SYT16: variants seen among roughly 807,000 people sequenced by gnomAD.
The protein encoded by SYT16 is synaptotagmin 16.
A neutral mutation model predicts 61.4 loss-of-function variants in SYT16; 42 were observed. The observed-to-expected ratio is 0.68, with a 90% CI of 0.53 to 0.89. SYT16 has a LOEUF of 0.89. SYT16 is among the 40% of genes least tolerant of loss of function. The pLI, the probability that SYT16 is intolerant of heterozygous loss-of-function variation, is 0.00. For synonymous variants in SYT16, 314 were observed against 302.3 expected (o/e 1.04, Z -0.40); for missense variants, 804 against 807.3 (o/e 1.00, Z 0.05).
intron 1 of SYT16, among the ~76,000 whole-genome samples, chr14:61,872,839 A>G (rs2047371782): frequency 6.6e-6 from 1 of 152,228 alleles, no homozygotes; most frequent in Non-Finnish European, 1.5e-5. Flanking sequence ...CTGGATGCCT[A>G]ATTCAATCTC....
chr14:61,916,274 A>T (rs2049117465), intron 1 of SYT16, among the ~76,000 whole-genome samples: 1 of 152,176 alleles, frequency 6.6e-6, no homozygotes, highest in Admixed American at 6.6e-5. Flanking sequence ...TTCATAAAAA[A>T]TGAGTGAGAA....
intron 1 of SYT16, among the ~76,000 whole-genome samples, chr14:61,836,372 A>G (rs1025352209): frequency 5.9e-5 from 9 of 152,224 alleles, no homozygotes; most frequent in Non-Finnish European, 1.3e-4. Context: ...CTTAATTCAC[A>G]CAAACATCAG....
intron 1 of SYT16, among the ~76,000 whole-genome samples, chr14:61,813,123 C>T (rs1380868417): frequency 5.9e-5 from 9 of 152,246 alleles, no homozygotes; most frequent in Admixed American, 5.2e-4. Flanking sequence ...CAGCCTTCAG[C>T]GAGCCGGGCA....
intron 2 of SYT16, among the ~76,000 whole-genome samples, chr14:61,974,875 T>C (rs906979666): frequency 2.6e-5 from 4 of 152,240 alleles, no homozygotes; most frequent in Admixed American, 2.6e-4. Flanking sequence ...AATTTCTCCC[T>C]ACCAGTTGGT....
At chr14:62,093,733 C>T (rs532423219) in intron 7 of SYT16, among the ~76,000 whole-genome samples, 10 of 152,154 alleles carry the variant, frequency 6.6e-5, no homozygotes, top group East Asian at 3.9e-4. Context: ...GAAAAAATTA[C>T]GATTATCTCA....
In SYT16 at chr14:61,948,003, G is replaced by T. The variant is rs576962396; in HGVS notation, c.-324-22129G>T. Among the ~76,000 whole-genome samples, 5 of 152,328 alleles carry T rather than the reference G, an allele frequency of 3.3e-5. No individual in the cohort carries two copies. The South Asian group carries it at 1.0e-3, about 32-fold the overall frequency. Reference sequence around the variant, plus strand: ...TGTTTAGAAAAATGAGTAATCTGGTGAGGCTAAGCATAAAGTATCTGGAAG... The same window carrying T: ...TGTTTAGAAAAATGAGTAATCTGGTTAGGCTAAGCATAAAGTATCTGGAAG... On this transcript the variant is annotated intron_variant, in intron 1 of 7. Transcript: ENST00000683842.
chr14:62,037,527 C>G (rs888892884), intron 3 of SYT16, among the ~76,000 whole-genome samples: 5 of 152,122 alleles, frequency 3.3e-5, no homozygotes, highest in Non-Finnish European at 4.4e-5. Flanking sequence ...CCATCTAAAA[C>G]TGGAATGTTT....
chr14:62,063,351 T>C (rs2055913036), intron 3 of SYT16, among the ~76,000 whole-genome samples: 1 of 152,164 alleles, frequency 6.6e-6, no homozygotes, highest in Admixed American at 6.6e-5. Flanking sequence ...ATGAAGACGA[T>C]GAATATAACA....
Position 62,102,386 on chromosome 14 carries a change from C to T in SYT16, c.*1679C>T, listed in dbSNP as rs2057437988. The T allele has an allele frequency of 6.6e-6, 1 of 152,230 alleles. No individual in the cohort carries two copies. The highest frequency in any genetic ancestry group is 2.1e-4 in the South Asian group (1 of 4,820). The allele number at this position is 152,230 out of a possible 1,614,324, so 9.4% of individuals were successfully genotyped here. A position where few individuals can be genotyped will look rare whatever the true frequency, so the allele number is the denominator to read the frequency against. On this transcript the variant is annotated 3_prime_UTR_variant, in exon 8 of 8. Coordinates refer to ENST00000683842, the MANE Select transcript of SYT16 (RefSeq NM_001367656.1). ...GAGAATTTGCCAAATAAATTAATAC[C>T]TTAATTACTTTTCAGGTCATGGGAG... is the stretch of plus-strand genomic sequence containing the variant.
chr14:61,872,989 T>A (rs2047377831), intron 1 of SYT16, among the ~76,000 whole-genome samples: 6 of 152,234 alleles, frequency 3.9e-5, no homozygotes, highest in Admixed American at 3.9e-4. Context: ...AACGTTGTAT[T>A]CATAGGTAGG....
intron 3 of SYT16, among the ~76,000 whole-genome samples, chr14:62,054,297 C>T (rs1244829086): frequency 6.9e-6 from 1 of 145,240 alleles, no homozygotes; most frequent in Non-Finnish European, 1.5e-5. Flanking sequence ...ATCTGATCTA[C>T]AGATTGTATG....
intron 1 of SYT16, among the ~76,000 whole-genome samples, chr14:61,901,757 A>AT (rs1282848076): frequency 6.8e-5 from 10 of 146,268 alleles, no homozygotes; most frequent in African/African-American, 2.3e-4. Context: ...AATAATAATA[A>AT]TAATAATTAT....
intron 1 of SYT16, chr14:61,831,978 T>C: frequency 1.7e-6 from 1 of 602,626 alleles, no homozygotes; most frequent in East Asian, 3.4e-5. Flanking sequence ...GTCAAAGGTG[T>C]GCGGGATGGG....
rs989609342 is a variant in SYT16, at chr14:62,069,629, C to G, written c.550C>G (p.Leu184Val). ...QVNSFGDDEE[L>V]STSSDSDEEV... ...CAACAGCTTTGGGGATGACGAAGAG[C>G]TGTCCACATCTTCTGACAGTGACGA... Residue 184 changes from leucine (L) to valine (V), a missense_variant, in exon 4 of 8, where the codon CTG (leucine) becomes GTG (valine). Leu to Val is a conservative substitution (Grantham distance 32). Transcript: ENST00000683842. 6.2e-7 allele frequency: 1 copy of G among 1,613,958 alleles called. No individual in the cohort carries two copies. The highest frequency in any genetic ancestry group is 1.3e-5 in the African/African-American group (1 of 75,046).
At chr14:61,935,643 C>T (rs537723677) in intron 1 of SYT16, among the ~76,000 whole-genome samples, 3 of 152,320 alleles carry the variant, frequency 2.0e-5, no homozygotes, top group Admixed American at 2.0e-4. Context: ...TCCCTTCAAC[C>T]TAGAGTTTCT....
At chr14:61,813,659 G>T (rs2045337972) in intron 1 of SYT16, among the ~76,000 whole-genome samples, 1 of 152,094 alleles carries the variant, frequency 6.6e-6, no homozygotes, top group South Asian at 2.1e-4. Flanking sequence ...CCAGCACTTT[G>T]GGAGGCCGAG....
At chr14:62,054,360 G>GTTGTTGTTTTTTTTTT (rs1411904235) in intron 3 of SYT16, among the ~76,000 whole-genome samples, 1 of 118,298 alleles carries the variant, frequency 8.5e-6, no homozygotes. Context: ...AGTGAAGTGA[G>GTTGTTGTTTTTTTTTT]TTTTTTTTTT....
chr14:61,921,444 T>C (rs553745949), intron 1 of SYT16, among the ~76,000 whole-genome samples: 1 of 152,334 alleles, frequency 6.6e-6, no homozygotes, highest in South Asian at 2.1e-4. Context: ...TTTCCCAGTC[T>C]CAGTCTCTGT....
At chr14:61,979,323 G>T (rs778848718) in intron 2 of SYT16, among the ~76,000 whole-genome samples, 1 of 152,100 alleles carries the variant, frequency 6.6e-6, no homozygotes, top group Non-Finnish European at 1.5e-5. Context: ...TATGATTGAT[G>T]AATTAAATAT....
Sources: allele counts gnomAD v4.1 joint callset (sites outside exome capture counted in the v4.1 genomes callset), GRCh38; gene constraint gnomAD v4.1.1; transcripts MANE v1.5; gene names NCBI Gene and HGNC (gene_info 2026-07-23, HGNC 2026-07-21).